CFAP299: variants seen among roughly 807,000 people sequenced by gnomAD.
CFAP299 encodes cilia and flagella associated protein 299, also known as cilia- and flagella-associated protein 299.
In CFAP299, 21 loss-of-function variants were observed where a neutral mutation model predicts 27.0. That is an observed-to-expected ratio of 0.78 (90% CI 0.55 to 1.12). The LOEUF is 1.12. CFAP299 is among the 50% of genes most tolerant of loss of function. The pLI is 0.00. For synonymous variants in CFAP299, 104 were observed against 98.1 expected (o/e 1.06, Z -0.36); for missense variants, 310 against 276.6 (o/e 1.12, Z -0.86).
chr4:80,952,465 C>T (rs1053343340), intron 5 of CFAP299, among the ~76,000 whole-genome samples: 3 of 151,908 alleles, frequency 2.0e-5, no homozygotes, highest in African/African-American at 4.8e-5. Context: ...GAGGAACTTT[C>T]GAGAGTAAAT....
intron 3 of CFAP299, among the ~76,000 whole-genome samples, chr4:80,764,020 A>G (rs1725699133): frequency 6.6e-6 from 1 of 152,038 alleles, no homozygotes; most frequent in African/African-American, 2.4e-5. Flanking sequence ...AAAACCTAGA[A>G]TGCCATTCAG....
intron 3 of CFAP299, among the ~76,000 whole-genome samples, chr4:80,729,929 A>G (rs1413833178): frequency 3.3e-5 from 5 of 151,964 alleles, no homozygotes; most frequent in Non-Finnish European, 7.4e-5. Context: ...ATTTAAGTTT[A>G]CCTTGACACA....
intron 3 of CFAP299, among the ~76,000 whole-genome samples, chr4:80,846,403 C>A (rs927626134): frequency 6.6e-6 from 1 of 152,104 alleles, no homozygotes; most frequent in Admixed American, 6.6e-5. Context: ...ATCTCCAGCA[C>A]CTAGGACAGC....
chr4:80,422,163 T>C (rs1201349245), intron 2 of CFAP299, among the ~76,000 whole-genome samples: 1 of 152,330 alleles, frequency 6.6e-6, no homozygotes, highest in East Asian at 1.9e-4. Context: ...GCAGACATGA[T>C]GCTCTCATTC....
intron 2 of CFAP299, among the ~76,000 whole-genome samples, chr4:80,372,437 A>G (rs140409651): frequency 1.7e-3 from 257 of 152,350 alleles, no homozygotes; most frequent in African/African-American, 5.4e-3. Context: ...CAGGCGTTCA[A>G]TGAGTCCCCA....
At chr4:80,347,902 A>G (rs1722819942) in intron 1 of CFAP299, among the ~76,000 whole-genome samples, 1 of 152,366 alleles carries the variant, frequency 6.6e-6, no homozygotes, top group East Asian at 1.9e-4. Context: ...TAACCAAAAC[A>G]GCATGATAAT....
At chr4:80,819,171 T>C (rs1170298143) in intron 3 of CFAP299, among the ~76,000 whole-genome samples, 4 of 151,986 alleles carry the variant, frequency 2.6e-5, no homozygotes, top group Non-Finnish European at 4.4e-5. Context: ...TATGTAGGAT[T>C]TATGACAGCT....
chr4:80,896,392 T>A (rs1309896423), intron 4 of CFAP299, among the ~76,000 whole-genome samples: 1 of 152,112 alleles, frequency 6.6e-6, no homozygotes, highest in South Asian at 2.1e-4. Context: ...AGTATTGTAA[T>A]GTTTTATAGG....
At chr4:80,852,862 G>A (rs974653482) in intron 3 of CFAP299, among the ~76,000 whole-genome samples, 5 of 152,066 alleles carry the variant, frequency 3.3e-5, no homozygotes, top group African/African-American at 1.2e-4. Context: ...ATGCATATTA[G>A]GAATATCATC....
chr4:80,589,908 G>T, intron 3 of CFAP299, among the ~76,000 whole-genome samples: 1 of 152,046 alleles, frequency 6.6e-6, no homozygotes, highest in East Asian at 1.9e-4. Flanking sequence ...AGAAAGATGT[G>T]TATAATCTTT....
chr4:80,626,962 G>A (rs1371510212), intron 3 of CFAP299, among the ~76,000 whole-genome samples: 1 of 151,662 alleles, frequency 6.6e-6, no homozygotes, highest in African/African-American at 2.4e-5. Context: ...AAAAATTGAG[G>A]AGATGAAACT....
chr4:80,710,911 C>A (rs913326795), intron 3 of CFAP299, among the ~76,000 whole-genome samples: 1 of 152,102 alleles, frequency 6.6e-6, no homozygotes, highest in Non-Finnish European at 1.5e-5. Flanking sequence ...GTGTAAGGAA[C>A]ATGACTGTGC....
chr4:80,907,816 A>G (rs1375882451), intron 4 of CFAP299, among the ~76,000 whole-genome samples: 2 of 152,160 alleles, frequency 1.3e-5, no homozygotes, highest in Non-Finnish European at 2.9e-5. Flanking sequence ...AAACTTTGTC[A>G]GTTCTCGAAA....
intron 2 of CFAP299, among the ~76,000 whole-genome samples, chr4:80,479,836 T>C (rs1205055233): frequency 6.6e-6 from 1 of 152,028 alleles, no homozygotes; most frequent in African/African-American, 2.4e-5. Context: ...AAAATCTTTA[T>C]ATTGGTCCTG....
At chr4:80,622,580 A>G (rs1738664327) in intron 3 of CFAP299, among the ~76,000 whole-genome samples, 1 of 152,150 alleles carries the variant, frequency 6.6e-6, no homozygotes, top group Admixed American at 6.5e-5. Flanking sequence ...TTTATTGTCA[A>G]TATGTTTCTA....
At chr4:80,691,092 A>T (rs1424573173) in intron 3 of CFAP299, among the ~76,000 whole-genome samples, 1 of 79,196 alleles carries the variant, frequency 1.3e-5, no homozygotes, top group East Asian at 3.8e-4. Flanking sequence ...AGATGGATTC[A>T]CAGCCGAATT....
At position 80,752,493 on chromosome 4, in the gene CFAP299, T is replaced by C. The variant is rs139445890; in HGVS notation, c.334-117500T>C. Among the ~76,000 whole-genome samples the C allele has an allele frequency of 1.7e-3, 249 of 148,806 alleles. 1 individual carries two copies. The highest frequency in any genetic ancestry group is 5.9e-3 in the African/African-American group (241 of 40,968). On this transcript the variant is annotated intron_variant, in intron 3 of 5. Coordinates refer to ENST00000358105, the MANE Select transcript of CFAP299 (RefSeq NM_152770.3). The stretch of plus-strand genomic sequence containing the variant: ...TATATTTCATTAAGTTTTCATGATA[T>C]GTATTTTTCTTCCTTTTCCTTTTAA...
At chr4:80,901,157 G>A (rs1006239696) in intron 4 of CFAP299, among the ~76,000 whole-genome samples, 4 of 152,102 alleles carry the variant, frequency 2.6e-5, no homozygotes, top group Non-Finnish European at 5.9e-5. Context: ...CATGAAGCAA[G>A]GTGCACAGGC....
At position 80,498,618 on chromosome 4, in the gene CFAP299, A is replaced by G. The variant is rs141394652; in HGVS notation, c.243-84475A>G. On this transcript the variant is annotated intron_variant, in intron 2 of 5. Transcript: ENST00000358105. The stretch of plus-strand genomic sequence containing the variant: ...TCAGATGATGGTGAGGTTGTGGAGA[A>G]CAGGGAACATTTACATACCACTAGT... Among the ~76,000 whole-genome samples, 141 of 152,288 alleles carry G rather than the reference A, an allele frequency of 9.3e-4. 2 individuals are homozygous for G. In the East Asian group the frequency reaches 0.018, roughly 19 times the overall value.
Sources: allele counts gnomAD v4.1 joint callset (sites outside exome capture counted in the v4.1 genomes callset), GRCh38; gene constraint gnomAD v4.1.1; transcripts MANE v1.5; gene names NCBI Gene and HGNC (gene_info 2026-07-23, HGNC 2026-07-21).